The following SOBP variants were observed in gnomAD, a reference collection of about 807,000 sequenced individuals.
SOBP encodes sine oculis binding protein homolog, also known as sine oculis-binding protein homolog.
In SOBP, 4 loss-of-function variants were observed where a neutral mutation model predicts 53.6. That is an observed-to-expected ratio of 0.07 (90% CI 0.04 to 0.17). The LOEUF (loss-of-function observed/expected upper bound fraction) is 0.17. Ranked by LOEUF, SOBP falls within the 10% of genes least tolerant of loss-of-function variation. The pLI is 1.00. For missense variants in SOBP, 1,088 were observed against 1,204.7 expected, an observed-to-expected ratio of 0.90 and a Z score of 1.43; for synonymous variants, 584 against 522.6, an observed-to-expected ratio of 1.12 and a Z score of -1.60.
At chr6:107,535,545 A>G (rs1490949014) in intron 4 of SOBP, among the ~76,000 whole-genome samples, 1 of 151,762 alleles carries the variant, frequency 6.6e-6, no homozygotes, top group Non-Finnish European at 1.5e-5. Flanking sequence ...GTGTACAAAC[A>G]ATTCCTCCCT....
intron 6 of SOBP, among the ~76,000 whole-genome samples, chr6:107,642,100 A>C (rs141958926): frequency 5.9e-5 from 9 of 152,396 alleles, no homozygotes; most frequent in Non-Finnish European, 1.3e-4. Flanking sequence ...GAAAGAAATT[A>C]GCTTTAGAAA....
intron 6 of SOBP, among the ~76,000 whole-genome samples, chr6:107,639,487 A>C (rs1771213293): frequency 6.6e-6 from 1 of 152,196 alleles, no homozygotes; most frequent in Admixed American, 6.5e-5. Context: ...AAGGTTGTAA[A>C]CTTCCTTTGA....
At chr6:107,646,856 C>G in intron 6 of SOBP, among the ~76,000 whole-genome samples, 1 of 152,146 alleles carries the variant, frequency 6.6e-6, no homozygotes, top group East Asian at 1.9e-4. Flanking sequence ...GGGTTCGTAT[C>G]CCAGCAGAGA....
chr6:107,540,815 G>A (rs1784129661), intron 4 of SOBP, among the ~76,000 whole-genome samples: 2 of 152,180 alleles, frequency 1.3e-5, no homozygotes, highest in Admixed American at 6.5e-5. Context: ...GTCACATTCA[G>A]TTTCTGAGGC....
rs138584238 is a variant in SOBP at position 107,544,136 on chromosome 6, A to G, written c.573+10526A>G. Among the ~76,000 whole-genome samples, 71 of 152,274 alleles carry G rather than the reference A, an allele frequency of 4.7e-4. 1 individual carries two copies. In the Middle Eastern group the frequency reaches 0.01, roughly 22 times the overall value. Reference sequence around the variant, plus strand: ...TGATGGGATGAGGCTGCTGTTACCCATCAAGAGTTAACTCGTCCACACATT... The same window carrying G: ...TGATGGGATGAGGCTGCTGTTACCCGTCAAGAGTTAACTCGTCCACACATT... On this transcript the variant is annotated intron_variant, in intron 4 of 6. Transcript: ENST00000317357.
chr6:107,587,463 T>C (rs575895904), intron 5 of SOBP, among the ~76,000 whole-genome samples: 1 of 152,324 alleles, frequency 6.6e-6, no homozygotes, highest in East Asian at 1.9e-4. Context: ...GTTAAAAATA[T>C]AGAGAAAGAC....
intron 6 of SOBP, among the ~76,000 whole-genome samples, chr6:107,654,666 C>T (rs1450636317): frequency 9.2e-6 from 1 of 108,462 alleles, no homozygotes; most frequent in African/African-American, 5.1e-5. Context: ...CAGGCCCCCA[C>T]TGCACAGAGG....
At chr6:107,641,906 A>C (rs1175342258) in intron 6 of SOBP, among the ~76,000 whole-genome samples, 1 of 152,168 alleles carries the variant, frequency 6.6e-6, no homozygotes, top group African/African-American at 2.4e-5. Flanking sequence ...GATCGTGCCA[A>C]AGGGACGGGG....
At chr6:107,605,172 G>A (rs2818257) in intron 5 of SOBP, among the ~76,000 whole-genome samples, 2 of 151,958 alleles carry the variant, frequency 1.3e-5, no homozygotes, top group African/African-American at 2.4e-5. Context: ...GATACATTTC[G>A]CCTTTGTTCT....
chr6:107,597,562 A>T (rs1443071699), intron 5 of SOBP, among the ~76,000 whole-genome samples: 1 of 152,204 alleles, frequency 6.6e-6, no homozygotes, highest in Non-Finnish European at 1.5e-5. Flanking sequence ...ATGGCATTTA[A>T]CTCATCTCAA....
chr6:107,506,498 A>G (rs1782997392), intron 3 of SOBP, 71 bp downstream of exon 3: 2 of 1,549,678 alleles, frequency 1.3e-6, no homozygotes, highest in African/African-American at 1.4e-5. Flanking sequence ...AGGAATAATT[A>G]TTAAATGCTC....
intron 3 of SOBP, among the ~76,000 whole-genome samples, chr6:107,528,929 T>C (rs1016117034): frequency 3.9e-5 from 6 of 152,206 alleles, no homozygotes; most frequent in African/African-American, 1.4e-4. Flanking sequence ...AAACTCACTT[T>C]CCCCATTTGC....
At chr6:107,523,319 A>T (rs1274672389) in intron 3 of SOBP, among the ~76,000 whole-genome samples, 1 of 152,246 alleles carries the variant, frequency 6.6e-6, no homozygotes, top group African/African-American at 2.4e-5. Context: ...TCTCTCAACC[A>T]ATCTTTGCTC....
chr6:107,620,241 G>C (rs1314289890), intron 5 of SOBP, among the ~76,000 whole-genome samples: 4 of 152,138 alleles, frequency 2.6e-5, no homozygotes, highest in African/African-American at 9.7e-5. Context: ...CTGCAGTTTG[G>C]CTTCTACTCC....
chr6:107,598,488 G>T (rs1786032712), intron 5 of SOBP, among the ~76,000 whole-genome samples: 1 of 152,198 alleles, frequency 6.6e-6, no homozygotes, highest in South Asian at 2.1e-4. Flanking sequence ...GGCCAGTTGG[G>T]AGACAGCCTG....
chr6:107,652,500 T>G lies in SOBP; in HGVS notation c.*4-5707T>G, dbSNP rs184288351. On this transcript the variant is annotated intron_variant, in intron 6 of 6. Transcript: ENST00000317357. The stretch of plus-strand genomic sequence containing the variant: ...GAACAAAGAAATTGGTTTCTAGAGA[T>G]AGAATCTGCTCCTGGTAAAGATGCT... Among the ~76,000 whole-genome samples the G allele has an allele frequency of 6.6e-5, 10 of 152,364 alleles. No homozygotes were observed. The East Asian group carries it at 1.7e-3, about 26-fold the overall frequency.
intron 5 of SOBP, among the ~76,000 whole-genome samples, chr6:107,605,188 A>C (rs1260375210): frequency 6.6e-6 from 1 of 152,188 alleles, no homozygotes; most frequent in African/African-American, 2.4e-5. Flanking sequence ...GTTCTCATAT[A>C]TTATATACAT....
intron 3 of SOBP, among the ~76,000 whole-genome samples, chr6:107,507,395 T>G (rs969354167): frequency 6.6e-6 from 1 of 152,130 alleles, no homozygotes; most frequent in Non-Finnish European, 1.5e-5. Context: ...AACCTCTGCC[T>G]CCCGAGTTCA....
chr6:107,634,228 C>A lies in SOBP; in HGVS notation c.1384C>A (p.Pro462Thr), dbSNP rs1340220253. ...HRPMLSPHIHPPSTPTMPGNP... is the reference protein window; with the variant it reads ...HRPMLSPHIHTPSTPTMPGNP... ...GCCCATGCTATCGCCCCACATCCAC[C>A]CCCCGAGCACCCCCACCATGCCCGG... Residue 462 changes from proline (P) to threonine (T), a missense_variant, in exon 6 of 7, where the codon CCC becomes ACC. Physicochemically the swap from Pro to Thr is conservative, Grantham distance 38. Coordinates refer to ENST00000317357, the MANE Select transcript of SOBP (RefSeq NM_018013.4). This position sits in a 1 kb window ranked among gnomAD's most constrained non-coding sequence, Gnocchi z 4.5. 1 of 1,587,028 alleles carries A rather than the reference C, an allele frequency of 6.3e-7. No individual in the cohort carries two copies. The highest frequency in any genetic ancestry group is 8.5e-7 in the Non-Finnish European group (1 of 1,170,560).
Sources: allele counts gnomAD v4.1 joint callset (sites outside exome capture counted in the v4.1 genomes callset), GRCh38; gene constraint gnomAD v4.1.1; non-coding constraint Gnocchi (gnomAD v3.1); transcripts MANE v1.5; gene names NCBI Gene and HGNC (gene_info 2026-07-23, HGNC 2026-07-21).